The following NPHP4 variants were observed in gnomAD, a reference collection of about 807,000 sequenced individuals.
The protein encoded by NPHP4 is nephrocystin-4.
Under a neutral mutation model 155.8 loss-of-function variants are expected in NPHP4, and 151 were observed. That is an observed-to-expected ratio of 0.97 (90% CI 0.85 to 1.11). The LOEUF is 1.11. NPHP4 is among the 50% of genes least tolerant of loss of function. The pLI, the probability that NPHP4 is intolerant of heterozygous loss-of-function variation, is 0.00. For missense variants in NPHP4, 1,956 were observed against 1,925.7 expected (o/e 1.02, Z -0.29); for synonymous variants, 845 against 816.8 (o/e 1.03, Z -0.59).
chr1:5,961,291 A>C (rs1194128741), intron 6 of NPHP4, among the ~76,000 whole-genome samples: 1 of 152,210 alleles, frequency 6.6e-6, no homozygotes. Context: ...ACGGAGCTTC[A>C]GCCGGGGAAG....
chr1:5,956,355 T>C (rs1649238542), intron 6 of NPHP4, among the ~76,000 whole-genome samples: 1 of 152,226 alleles, frequency 6.6e-6, no homozygotes, highest in Non-Finnish European at 1.5e-5. Flanking sequence ...GACCCTGGTC[T>C]GCACAGAGAG....
intron 6 of NPHP4, among the ~76,000 whole-genome samples, chr1:5,953,686 G>A (rs533689884): frequency 5.9e-5 from 9 of 152,172 alleles, no homozygotes; most frequent in Admixed American, 1.3e-4. Context: ...CCCAGCTCAC[G>A]GTCTCGTGCA....
Position 5,864,009 on chromosome 1 carries a change from C to G in NPHP4, c.4021G>C (p.Gly1341Arg). 1 of 1,613,564 alleles carries G rather than the reference C, an allele frequency of 6.2e-7. No homozygotes were observed. Among genetic ancestry groups the G allele is most frequent in the South Asian group, 1.1e-5 (1 of 90,940 alleles). Residue 1341 changes from glycine (G) to arginine (R), a missense_variant, in exon 29 of 30, where the codon GGC becomes CGC. By Grantham distance (125) the Gly-to-Arg change is moderately radical (BLOSUM62 -2). Coordinates refer to ENST00000378156, the MANE Select transcript of NPHP4 (RefSeq NM_015102.5). ...SKAFEIMLAA[G>R]EGKGVNKRIT... ...CTCTTGTTGACACCCTTCCCTTCGC[C>G]CGCAGCCAACATGATCTCAAAGGCC...
chr1:5,887,166 C>A, intron 18 of NPHP4, 120 bp downstream of exon 18: 1 of 953,452 alleles, frequency 1.0e-6, no homozygotes, highest in Admixed American at 2.6e-5. Flanking sequence ...GGTGAGAATT[C>A]TCCCGGTTTC....
chr1:5,934,033 T>C (rs988577047), intron 9 of NPHP4, among the ~76,000 whole-genome samples: 5 of 152,232 alleles, frequency 3.3e-5, no homozygotes, highest in Admixed American at 3.3e-4. Flanking sequence ...ACGGCTTGAC[T>C]GAGTAAAGAG....
rs942109344 is a variant in NPHP4, at chr1:5,877,381, C to G, written c.2612-83G>C. The G allele has an allele frequency of 4.2e-6, 5 of 1,179,640 alleles. No individual in the cohort carries two copies. The African/African-American group carries it at 6.0e-5, about 14-fold the overall frequency. 73.1% of individuals were successfully genotyped at this position (1,179,640 alleles called of 1,614,324 possible). A position where few individuals can be genotyped will look rare whatever the true frequency, so the allele number is the denominator to read the frequency against. On this transcript the variant is annotated intron_variant, in intron 19 of 29. Coordinates refer to ENST00000378156, the MANE Select transcript of NPHP4 (RefSeq NM_015102.5). Reference sequence around the variant, plus strand: ...AGACACCAGGGCAGGCCTCCCAGGACCACCTATATAGGGAGGGAGCTCAAG... The same window carrying G: ...AGACACCAGGGCAGGCCTCCCAGGAGCACCTATATAGGGAGGGAGCTCAAG...
In NPHP4 at chr1:5,947,516, C is replaced by T. The variant is rs572206066; in HGVS notation, c.993-286G>A. Among the ~76,000 whole-genome samples, 7 of 152,346 alleles carry T rather than the reference C, an allele frequency of 4.6e-5. No homozygotes were observed. In the East Asian group the frequency reaches 1.2e-3, roughly 25 times the overall value. ...CCTCAGCCTCTCATTGCTCTTTCAA[C>T]GCATTTCCAAATTACCAAAGCTTGC... On this transcript the variant is annotated intron_variant, in intron 8 of 29. Transcript: ENST00000378156.
In NPHP4 at chr1:5,968,604, GA is replaced by G. The variant is rs934311576; in HGVS notation, c.452+482del. 4.0e-3 allele frequency among the ~76,000 whole-genome samples: 550 copies of G among 137,588 alleles called. 5 individuals are homozygous for G. Among genetic ancestry groups the G allele is most frequent in the African/African-American group, 0.013 (487 of 37,342 alleles). The allele number at this position is 137,588 out of a possible 152,430, so 90.3% of individuals were successfully genotyped here. A position where few individuals can be genotyped will look rare whatever the true frequency, so the allele number is the denominator to read the frequency against. ...TGACAGAGCAAGACCCTGTCTCGAA[GA>G]AAAAAAAAAAGGCAAACCCCCAAGC... On this transcript the variant is annotated intron_variant, in intron 4 of 29. Transcript: ENST00000378156.
chr1:5,987,118 CAA>C (rs996927123), intron 1 of NPHP4, among the ~76,000 whole-genome samples: 6 of 152,008 alleles, frequency 3.9e-5, no homozygotes, highest in African/African-American at 1.5e-4. Flanking sequence ...GCTACATGAA[CAA>C]AGTCTCTTGT....
At chr1:5,966,649 C>T (rs918960182) in intron 5 of NPHP4, among the ~76,000 whole-genome samples, 1 of 152,142 alleles carries the variant, frequency 6.6e-6, no homozygotes, top group African/African-American at 2.4e-5. Flanking sequence ...CCCTCCCCAA[C>T]AGATCCACCT....
chr1:5,893,036 C>A (rs570206064), intron 16 of NPHP4, among the ~76,000 whole-genome samples: 11 of 152,284 alleles, frequency 7.2e-5, no homozygotes, highest in African/African-American at 2.6e-4. Context: ...AGCAGAGTGG[C>A]CAACTCCCAC....
At position 5,866,435 on chromosome 1, in the gene NPHP4, T is replaced by A; in HGVS notation, c.3582A>T (p.Ile1194=). Reference sequence around the variant, plus strand: ...TTGGACCACTGGCCACCTTCAGAAATATGTCCCGTGGTTCCCCGGGGCCCT... The same window carrying A: ...TTGGACCACTGGCCACCTTCAGAAAAATGTCCCGTGGTTCCCCGGGGCCCT... The part of the protein sequence containing the change: ...QNVGPGEPRD[I]FLKVASGPSP... The change falls in exon 26 of 30, where the codon ATA becomes ATT. Residue 1194 remains isoleucine, a synonymous_variant. Coordinates refer to ENST00000378156, the MANE Select transcript of NPHP4 (RefSeq NM_015102.5). 2 of 1,605,974 alleles carry A rather than the reference T, an allele frequency of 1.2e-6. No homozygotes were observed. Among genetic ancestry groups the A allele is most frequent in the East Asian group, 2.2e-5 (1 of 44,614 alleles).
At chr1:5,945,903 T>TC (rs70977997) in intron 9 of NPHP4, among the ~76,000 whole-genome samples, 21,562 of 151,210 alleles carry the variant, frequency 0.14, 1,608 homozygotes, top group Non-Finnish European at 0.17. Context: ...TCTGGCATTG[T>TC]CCCCCCCCAG....
At chr1:5,969,623 A>G (rs1367383795) in intron 3 of NPHP4, among the ~76,000 whole-genome samples, 6 of 152,156 alleles carry the variant, frequency 3.9e-5, no homozygotes, top group Admixed American at 2.6e-4. Flanking sequence ...TATGCACCCA[A>G]CCCTGCAGGG....
In NPHP4 at chr1:5,986,326, A is replaced by T. The variant is rs1378692123; in HGVS notation, c.-37T>A. 6 of 1,611,318 alleles carry T rather than the reference A, an allele frequency of 3.7e-6. No homozygotes were observed. The Admixed American group carries it at 1.0e-4, about 27-fold the overall frequency. ...GAGGGTCCCGTGGGCTTCCCGGATG[A>T]TCTGTGCCAGTCGTATTCAAATAAA... On this transcript the variant is annotated splice_region_variant and 5_prime_UTR_variant, in exon 2 of 30. Coordinates refer to ENST00000378156, the MANE Select transcript of NPHP4 (RefSeq NM_015102.5).
rs776396072 is a variant in NPHP4 at position 5,874,489 on chromosome 1, C to T, written c.3213G>A (p.Gly1071=). 1.3e-6 allele frequency: 2 copies of T among 1,560,240 alleles called. No homozygotes were observed. Among genetic ancestry groups the T allele is most frequent in the Non-Finnish European group, 1.7e-6 (2 of 1,150,450 alleles). ...CCCGCACCTGCACCATGGCCAGCTG[C>T]CCTGCAGAGAAGCTCTGGAACTTGA... ...VPFKFQSFSA[G]QLAMVQASPG... Residue 1071 remains glycine (G), a synonymous_variant, in exon 22 of 30, where the codon GGG becomes GGA. Transcript: ENST00000378156.
At chr1:5,881,863 G>GT (rs2100761228) in intron 18 of NPHP4, 1 of 152,362 alleles carries the variant, frequency 6.6e-6, no homozygotes, top group African/African-American at 2.4e-5. Context: ...TTCAGTCTTT[G>GT]TAAGCTCTTT....
chr1:5,915,919 A>G (rs1645446477), intron 11 of NPHP4, among the ~76,000 whole-genome samples: 1 of 152,188 alleles, frequency 6.6e-6, no homozygotes, highest in Admixed American at 6.5e-5. Flanking sequence ...CACCCAGGAC[A>G]AGGGAGCTGC....
intron 1 of NPHP4, among the ~76,000 whole-genome samples, 184 bp downstream of exon 1, chr1:5,992,060 A>AGCCCCCGCCGCGC (rs369446247): frequency 1.3e-5 from 2 of 151,962 alleles, no homozygotes; most frequent in African/African-American, 4.8e-5. Flanking sequence ...ACGCGGGGAC[A>AGCCCCCGCCGCGC]GCCCCCGCCG....
Sources: allele counts gnomAD v4.1 joint callset (sites outside exome capture counted in the v4.1 genomes callset), GRCh38; gene constraint gnomAD v4.1.1; transcripts MANE v1.5; gene names NCBI Gene and HGNC (gene_info 2026-07-23, HGNC 2026-07-21).